The following AMHR2 variants were observed in gnomAD, a reference collection of about 807,000 sequenced individuals.
AMHR2 encodes the protein anti-Muellerian hormone type-2 receptor.
AMHR2 carries 36 observed loss-of-function variants against 61.4 expected under a neutral mutation model. That is an observed-to-expected ratio of 0.59 (90% CI 0.45 to 0.77). The LOEUF (loss-of-function observed/expected upper bound fraction) is 0.77, where lower values mean the gene tolerates loss of function less well. Among genes scored for constraint, AMHR2 ranks in the 30% least tolerant of loss-of-function variants. The pLI, the probability that AMHR2 is intolerant of heterozygous loss-of-function variation, is 0.00. For missense variants in AMHR2, 638 were observed against 714.6 expected, an observed-to-expected ratio of 0.89 and a Z score of 1.22; for synonymous variants, 258 against 279.4, an observed-to-expected ratio of 0.92 and a Z score of 0.76.
At chr12:53,430,416 C>T in intron 10 of AMHR2, 134 bp downstream of exon 10, 1 of 1,440,148 alleles carries the variant, frequency 6.9e-7, no homozygotes, top group Non-Finnish European at 9.6e-7. Flanking sequence ...TCATGCTCAG[C>T]TGGAACTGGG....
At chr12:53,426,434 G>A (rs1939596077) in intron 6 of AMHR2, among the ~76,000 whole-genome samples, 1 of 152,008 alleles carries the variant, frequency 6.6e-6, no homozygotes, top group South Asian at 2.1e-4. Context: ...GAACAGCCTG[G>A]GCAACACCGT....
chr12:53,427,934 G>T (rs1353016988), intron 6 of AMHR2, among the ~76,000 whole-genome samples: 2 of 152,224 alleles, frequency 1.3e-5, no homozygotes, highest in African/African-American at 2.4e-5. Flanking sequence ...TTGCCCTATT[G>T]TAAGTAGTTC....
Position 53,425,495 on chromosome 12 carries a change from A to G in AMHR2, c.543A>G (p.Pro181=). The change falls in exon 5 of 11, where the codon CCA becomes CCG. Residue 181 remains proline, a synonymous_variant. Transcript: ENST00000257863. ...AGAACTACAGAGTGCGAGGTGAGCCAGTGCCAGAGCCAAGGCCAGACTCAG... is the reference window on the plus strand; with the variant it reads ...AGAACTACAGAGTGCGAGGTGAGCCGGTGCCAGAGCCAAGGCCAGACTCAG... The part of the protein sequence containing the change: ...QRKNYRVRGE[P]VPEPRPDSGR... The G allele has an allele frequency of 6.2e-7, 1 of 1,614,084 alleles. No individual in the cohort carries two copies. The highest frequency in any genetic ancestry group is 8.5e-7 in the Non-Finnish European group (1 of 1,180,042).
Position 53,425,452 on chromosome 12 carries a change from C to G in AMHR2, c.503-3C>G. ...CTGACCCTAAGGCTCTTGTCTGTTCCAGCCCTGCTACAGCGAAAGAACTAC... is the reference window on the plus strand; with the variant it reads ...CTGACCCTAAGGCTCTTGTCTGTTCGAGCCCTGCTACAGCGAAAGAACTAC... On this transcript the variant is annotated splice_region_variant and splice_polypyrimidine_tract_variant and intron_variant, in intron 4 of 10. Transcript: ENST00000257863. 1 of 1,613,822 alleles carries G rather than the reference C, an allele frequency of 6.2e-7. No homozygotes were observed. Among genetic ancestry groups the G allele is most frequent in the Non-Finnish European group, 8.5e-7 (1 of 1,180,002 alleles).
intron 6 of AMHR2, among the ~76,000 whole-genome samples, chr12:53,427,651 C>A (rs1171485691): frequency 6.6e-6 from 1 of 152,192 alleles, no homozygotes; most frequent in Non-Finnish European, 1.5e-5. Context: ...GATCTGCCTG[C>A]CTCGGCCTCC....
chr12:53,425,610 C>G (rs772653981), intron 5 of AMHR2, 37 bp downstream of exon 5: 1 of 1,612,600 alleles, frequency 6.2e-7, no homozygotes. Context: ...CCTCTGGGCA[C>G]TCCTGGAGGT....
intron 7 of AMHR2, 85 bp downstream of exon 7, chr12:53,429,095 C>A: frequency 2.3e-6 from 3 of 1,292,904 alleles, no homozygotes; most frequent in South Asian, 2.5e-5. Flanking sequence ...AAGATTGGGT[C>A]AAAAGAGGGA....
rs1263852096 is a variant in AMHR2 at position 53,424,864 on chromosome 12, G to A, written c.388G>A (p.Gly130Arg). 1 of 1,613,230 alleles carries A rather than the reference G, an allele frequency of 6.2e-7. No individual in the cohort carries two copies. The highest frequency in any genetic ancestry group is 1.3e-5 in the African/African-American group (1 of 74,884). Reference protein sequence around the residue: ...YSHLPPPGSPGTPGSQGPQAA... With the variant: ...YSHLPPPGSPRTPGSQGPQAA... ...CCATCTGCCTCCTCCAGGGAGCCCTGGGACTCCTGGCTCCCAGGGTCCCCA... is the reference window on the plus strand; with the variant it reads ...CCATCTGCCTCCTCCAGGGAGCCCTAGGACTCCTGGCTCCCAGGGTCCCCA... The change falls in exon 3 of 11, where the codon GGG becomes AGG. Residue 130 changes from glycine to arginine, a missense_variant. Coordinates refer to ENST00000257863, the MANE Select transcript of AMHR2 (RefSeq NM_020547.3).
rs1436086955 is a variant in AMHR2, at chr12:53,423,891, T to C, written c.-44T>C. 2 of 1,611,500 alleles carry C rather than the reference T, an allele frequency of 1.2e-6. No individual in the cohort carries two copies. Among genetic ancestry groups the C allele is most frequent in the Non-Finnish European group, 1.7e-6 (2 of 1,177,944 alleles). On this transcript the variant is annotated 5_prime_UTR_variant, in exon 1 of 11. Transcript: ENST00000257863. ...AAGATTTGGCCAGGGGCAGCTGTGC[T>C]GGCTTATGCTCTTCTCCTTCTGCTG...
chr12:53,425,226 G>A lies in AMHR2; in HGVS notation c.486G>A (p.Leu162=), dbSNP rs895492696. The A allele has an allele frequency of 1.9e-6, 3 of 1,613,628 alleles. No homozygotes were observed. The highest frequency in any genetic ancestry group is 1.6e-4 in the Middle Eastern group (1 of 6,062). Residue 162 remains leucine, a synonymous_variant, in exon 4 of 11, where the codon CTG becomes CTA. Transcript: ENST00000257863. ...TGTTCCTCCTCCTCCTGCTGCTGCT[G>A]GGCAGCATCATCTTGGGTACTAATC... ...LGLFLLLLLL[L]GSIILALLQR...
intron 5 of AMHR2, 40 bp downstream of exon 5, chr12:53,425,613 C>T: frequency 6.2e-7 from 1 of 1,612,810 alleles, no homozygotes; most frequent in Non-Finnish European, 8.5e-7. Flanking sequence ...CTGGGCACTC[C>T]TGGAGGTTGT....
Position 53,425,526 on chromosome 12 carries a change from G to A in AMHR2, c.574G>A (p.Asp192Asn), listed in dbSNP as rs1255734992. 6.2e-7 allele frequency: 1 copy of A among 1,614,116 alleles called. No homozygotes were observed. Among genetic ancestry groups the A allele is most frequent in the East Asian group, 2.2e-5 (1 of 44,882 alleles). ...AGAGCCAAGGCCAGACTCAGGCAGGGACTGGAGTGTGGAGCTGCAGGAGCT... is the reference window on the plus strand; with the variant it reads ...AGAGCCAAGGCCAGACTCAGGCAGGAACTGGAGTGTGGAGCTGCAGGAGCT... ...VPEPRPDSGR[D>N]WSVELQELPE... is the part of the protein sequence containing the mutation. Residue 192 changes from aspartate to asparagine, a missense_variant, in exon 5 of 11, where the codon GAC becomes AAC. Asp to Asn is a conservative substitution (Grantham distance 23, BLOSUM62 1). Coordinates refer to ENST00000257863, the MANE Select transcript of AMHR2 (RefSeq NM_020547.3).
chr12:53,426,786 G>A (rs1939635416), intron 6 of AMHR2, among the ~76,000 whole-genome samples: 2 of 151,722 alleles, frequency 1.3e-5, no homozygotes, highest in South Asian at 2.1e-4. Context: ...AGGTTCAAGC[G>A]ATTCTCCTCC....
At chr12:53,425,079 T>C in intron 3 of AMHR2, 86 bp from the exon 4 acceptor site, 1 of 1,603,460 alleles carries the variant, frequency 6.2e-7, no homozygotes, top group Non-Finnish European at 8.5e-7. Flanking sequence ...TGGGGGTGGG[T>C]TGAGACGCAA....
chr12:53,424,791 T>C lies in AMHR2; in HGVS notation c.315T>C (p.Thr105=), dbSNP rs1221287052. 1 of 1,613,594 alleles carries C rather than the reference T, an allele frequency of 6.2e-7. No individual in the cohort carries two copies. The highest frequency in any genetic ancestry group is 1.3e-5 in the African/African-American group (1 of 74,756). ...GAGCCCACCCCAGCCCTGGCTCCAC[T>C]CTCTTCACCTGCTCCTGTGGCACTG... The part of the protein sequence containing the change: ...SPRAHPSPGS[T]LFTCSCGTDF... The change falls in exon 3 of 11, where the codon ACT becomes ACC. Residue 105 remains threonine, a synonymous_variant. Coordinates refer to ENST00000257863, the MANE Select transcript of AMHR2 (RefSeq NM_020547.3).
In AMHR2 at chr12:53,431,596, C is replaced by T. The variant is rs1190094526; in HGVS notation, c.*123C>T. The T allele has an allele frequency of 8.1e-7, 1 of 1,234,064 alleles. No homozygotes were observed. The highest frequency in any genetic ancestry group is 1.2e-6 in the Non-Finnish European group (1 of 858,814). 76.4% of individuals were successfully genotyped at this position (1,234,064 alleles called of 1,614,324 possible). A position where few individuals can be genotyped will look rare whatever the true frequency, so the allele number is the denominator to read the frequency against. Reference sequence around the variant, plus strand: ...ATCCTTGGATTCTTCTGCGGGCATCCAGTCCACATCAGTTCTGACCAGTGA... The same window carrying T: ...ATCCTTGGATTCTTCTGCGGGCATCTAGTCCACATCAGTTCTGACCAGTGA... On this transcript the variant is annotated 3_prime_UTR_variant, in exon 11 of 11. Transcript: ENST00000257863.
Position 53,431,292 on chromosome 12 carries a change from G to A in AMHR2, c.1541G>A (p.Ser514Asn), listed in dbSNP as rs889487182. Residue 514 changes from serine to asparagine, a missense_variant, in exon 11 of 11, where the codon AGC becomes AAC. Physicochemically the swap from Ser to Asn is conservative, Grantham distance 46. Transcript: ENST00000257863. ...RLAALAHPQE[S>N]HPFPESCPRG... Reference sequence around the variant, plus strand: ...GCTGCCTTGGCCCATCCTCAAGAGAGCCACCCCTTTCCAGAGAGCTGTCCA... The same window carrying A: ...GCTGCCTTGGCCCATCCTCAAGAGAACCACCCCTTTCCAGAGAGCTGTCCA... 2 of 1,614,086 alleles carry A rather than the reference G, an allele frequency of 1.2e-6. No individual in the cohort carries two copies. Among genetic ancestry groups the A allele is most frequent in the South Asian group, 1.1e-5 (1 of 91,086 alleles).
At position 53,431,310 on chromosome 12, in the gene AMHR2, G is replaced by A; in HGVS notation, c.1559G>A (p.Ser520Asn). 6.2e-7 allele frequency: 1 copy of A among 1,614,192 alleles called. No individual in the cohort carries two copies. Among genetic ancestry groups the A allele is most frequent in the African/African-American group, 1.3e-5 (1 of 75,048 alleles). The change falls in exon 11 of 11, where the codon AGC becomes AAC. Residue 520 changes from serine (S) to asparagine (N), a missense_variant. Ser to Asn is a conservative substitution (Grantham distance 46). Transcript: ENST00000257863. ...CAAGAGAGCCACCCCTTTCCAGAGA[G>A]CTGTCCACGTGGCTGCCCACCTCTC... ...HPQESHPFPE[S>N]CPRGCPPLCP...
intron 9 of AMHR2, 83 bp downstream of exon 9, chr12:53,430,061 A>G: frequency 6.2e-7 from 1 of 1,614,086 alleles, no homozygotes; most frequent in East Asian, 2.2e-5. Context: ...GGCCTGAGAA[A>G]GCTCTGCTCT....
Sources: gnomAD v4.1 joint callset for allele counts (sites outside exome capture counted in the v4.1 genomes callset) on GRCh38, gnomAD v4.1.1 for gene constraint, MANE v1.5 for transcripts, NCBI Gene and HGNC (gene_info 2026-07-23, HGNC 2026-07-21) for gene names.